The following MNAT1 variants were observed in gnomAD, a reference collection of about 807,000 sequenced individuals.
MNAT1 encodes the protein MNAT1 component of CDK activating kinase, also known as CDK-activating kinase assembly factor MAT1.
In MNAT1, 43 loss-of-function variants were observed where a neutral mutation model predicts 42.0. The ratio of observed to expected loss-of-function variants is 1.02; its 90% CI spans 0.80 to 1.32. MNAT1 has a LOEUF of 1.32. Among genes scored for constraint, MNAT1 ranks in the 40% most tolerant of loss-of-function variants. The probability of loss-of-function intolerance (pLI) is 0.00; values close to 1 mark genes in which losing one functional copy is unlikely to be tolerated. For synonymous variants in MNAT1, 118 were observed against 120.0 expected (o/e 0.98, Z 0.11); for missense variants, 306 against 350.4 (o/e 0.87, Z 1.01).
At chr14:60,798,660 C>A (rs949105358) in intron 3 of MNAT1, among the ~76,000 whole-genome samples, 8 of 152,052 alleles carry the variant, frequency 5.3e-5, no homozygotes, top group Non-Finnish European at 1.2e-4. Flanking sequence ...TTGGAGTAAT[C>A]TTTGTGCCTT....
intron 7 of MNAT1, among the ~76,000 whole-genome samples, chr14:60,936,966 C>G (rs140639795): frequency 0.19 from 28,923 of 151,752 alleles, 3,493 homozygotes; most frequent in Middle Eastern, 0.27. Context: ...TTGCATTTCT[C>G]TGATGGCCAG....
At chr14:60,961,255 C>T (rs2139620837) in intron 7 of MNAT1, among the ~76,000 whole-genome samples, 1 of 152,350 alleles carries the variant, frequency 6.6e-6, no homozygotes, top group Admixed American at 6.5e-5. Flanking sequence ...AGCCACCGCG[C>T]CCGGCCATCA....
intron 6 of MNAT1, among the ~76,000 whole-genome samples, chr14:60,864,507 C>A (rs2139438566): frequency 6.6e-6 from 1 of 152,012 alleles, no homozygotes; most frequent in African/African-American, 2.4e-5. Context: ...GTTTCTTTTC[C>A]TGTAAAACAG....
intron 7 of MNAT1, among the ~76,000 whole-genome samples, chr14:60,908,900 C>T (rs1166502077): frequency 9.2e-5 from 14 of 152,140 alleles, no homozygotes; most frequent in Admixed American, 2.0e-4. Flanking sequence ...ATCGCCATAC[C>T]GACTTCCACA....
chr14:60,968,454 C>G lies in MNAT1; in HGVS notation c.*105C>G, dbSNP rs1297536333. The G allele has an allele frequency of 6.5e-7, 1 of 1,528,766 alleles. No homozygotes were observed. Among genetic ancestry groups the G allele is most frequent in the African/African-American group, 1.4e-5 (1 of 71,850 alleles). The allele number at this position is 1,528,766 out of a possible 1,614,324, so 94.7% of individuals were successfully genotyped here. A position where few individuals can be genotyped will look rare whatever the true frequency, so the allele number is the denominator to read the frequency against. ...GCAGCTGCACAACACAGTCCTTCCA[C>G]TAGCAGCTGTGTTAAAGTATTTATA... On this transcript the variant is annotated 3_prime_UTR_variant, in exon 8 of 8. Transcript: ENST00000261245.
chr14:60,792,719 A>C (rs1215552616), intron 1 of MNAT1, among the ~76,000 whole-genome samples: 1 of 152,214 alleles, frequency 6.6e-6, no homozygotes, highest in Non-Finnish European at 1.5e-5. Context: ...CAATTGACTA[A>C]AATTTTGACG....
chr14:60,867,797 C>T (rs751152943), intron 6 of MNAT1, among the ~76,000 whole-genome samples: 8 of 152,046 alleles, frequency 5.3e-5, no homozygotes, highest in Non-Finnish European at 1.0e-4. Flanking sequence ...TCAGTTCATT[C>T]TAGTTTAGAG....
intron 1 of MNAT1, among the ~76,000 whole-genome samples, chr14:60,745,543 A>G (rs560196894): frequency 1.3e-5 from 2 of 152,132 alleles, no homozygotes; most frequent in Admixed American, 1.3e-4. Flanking sequence ...CAGCCTCCTG[A>G]GTAGATGGGA....
intron 1 of MNAT1, among the ~76,000 whole-genome samples, chr14:60,784,961 T>C (rs2031599388): frequency 6.6e-6 from 1 of 152,128 alleles, no homozygotes; most frequent in East Asian, 1.9e-4. Context: ...CAAGCAATTC[T>C]TGTGTCTCAG....
chr14:60,768,891 A>G (rs940058186), intron 1 of MNAT1, among the ~76,000 whole-genome samples: 1 of 152,180 alleles, frequency 6.6e-6, no homozygotes, highest in Non-Finnish European at 1.5e-5. Context: ...CAGAATGTGG[A>G]TGATGGCAAC....
At chr14:60,933,697 T>C (rs1342286374) in intron 7 of MNAT1, among the ~76,000 whole-genome samples, 1 of 152,162 alleles carries the variant, frequency 6.6e-6, no homozygotes, top group African/African-American at 2.4e-5. Context: ...CTATTGACAG[T>C]CTGAAGTCCT....
At chr14:60,782,123 T>C (rs1357953099) in intron 1 of MNAT1, among the ~76,000 whole-genome samples, 1 of 152,072 alleles carries the variant, frequency 6.6e-6, no homozygotes, top group Non-Finnish European at 1.5e-5. Context: ...TGGTAACTAT[T>C]TGAGGACATT....
At chr14:60,799,007 A>T (rs574217670) in intron 3 of MNAT1, among the ~76,000 whole-genome samples, 17 of 152,318 alleles carry the variant, frequency 1.1e-4, no homozygotes, top group African/African-American at 4.1e-4. Context: ...ATATATGATA[A>T]ACTTAACAAT....
Position 60,754,514 on chromosome 14 carries a change from A to ATT in MNAT1, c.89+19572_89+19573dup, listed in dbSNP as rs1173555719. Among the ~76,000 whole-genome samples the ATT allele has an allele frequency of 2.7e-5, 4 of 148,858 alleles. No individual in the cohort carries two copies. The East Asian group carries it at 7.9e-4, about 29-fold the overall frequency. On this transcript the variant is annotated intron_variant, in intron 1 of 7. Coordinates refer to ENST00000261245, the MANE Select transcript of MNAT1 (RefSeq NM_002431.4). ...AGGCGTGTGCCACCACACCTGGTTG[A>ATT]TTTTTTTTTTATTTTTAGTAGAGAC...
intron 6 of MNAT1, among the ~76,000 whole-genome samples, chr14:60,841,634 A>AT (rs113486939): frequency 0.018 from 2,768 of 151,440 alleles, 62 homozygotes; most frequent in African/African-American, 0.057. Flanking sequence ...CTATTGACTG[A>AT]TTTTTTTTTC....
intron 6 of MNAT1, among the ~76,000 whole-genome samples, chr14:60,875,788 T>C (rs2034424486): frequency 1.3e-5 from 2 of 152,212 alleles, no homozygotes; most frequent in African/African-American, 4.8e-5. Flanking sequence ...TTAGTTTTAG[T>C]ATGTTGTTTT....
At chr14:60,815,001 A>G (rs1434121725) in intron 5 of MNAT1, among the ~76,000 whole-genome samples, 1 of 152,130 alleles carries the variant, frequency 6.6e-6, no homozygotes, top group African/African-American at 2.4e-5. Context: ...TAATTGTTTT[A>G]TTGAAAGATT....
intron 7 of MNAT1, among the ~76,000 whole-genome samples, chr14:60,915,269 A>C (rs1051853261): frequency 4.6e-5 from 7 of 152,328 alleles, no homozygotes; most frequent in African/African-American, 1.7e-4. Flanking sequence ...TGAGAAATGA[A>C]GATTTAGCCA....
At chr14:60,964,486 T>A (rs1340316226) in intron 7 of MNAT1, among the ~76,000 whole-genome samples, 1 of 152,212 alleles carries the variant, frequency 6.6e-6, no homozygotes, top group Non-Finnish European at 1.5e-5. Context: ...GAGTTTAGTC[T>A]GCTTTCAGTA....
Sources: gnomAD v4.1 joint callset for allele counts (sites outside exome capture counted in the v4.1 genomes callset) on GRCh38, gnomAD v4.1.1 for gene constraint, MANE v1.5 for transcripts, NCBI Gene and HGNC (gene_info 2026-07-23, HGNC 2026-07-21) for gene names.